Variants in TMEM178B observed in about 807,000 individuals in gnomAD.
TMEM178B encodes the protein transmembrane protein 178B.
Under a neutral mutation model 31.0 loss-of-function variants are expected in TMEM178B, and 5 were observed. The ratio of observed to expected loss-of-function variants is 0.16; its 90% CI spans 0.08 to 0.34. The LOEUF is 0.34. TMEM178B is among the 10% of genes least tolerant of loss of function. The pLI, the probability that TMEM178B is intolerant of heterozygous loss-of-function variation, is 1.00. For synonymous variants in TMEM178B, 164 were observed against 164.0 expected (o/e 1.00, Z 0.00); for missense variants, 275 against 400.3 (o/e 0.69, Z 2.67).
intron 2 of TMEM178B, among the ~76,000 whole-genome samples, chr7:141,327,180 A>G (rs1218315671): frequency 6.6e-6 from 1 of 152,172 alleles, no homozygotes; most frequent in Admixed American, 6.5e-5. Flanking sequence ...GCCTCTTTGC[A>G]TGATGTATAG....
At chr7:141,139,223 A>G (rs936042426) in intron 1 of TMEM178B, among the ~76,000 whole-genome samples, 2 of 152,228 alleles carry the variant, frequency 1.3e-5, no homozygotes, top group African/African-American at 2.4e-5. Context: ...CTGAAATACA[A>G]TGAATATGCA....
chr7:141,112,644 C>G (rs1412360248), intron 1 of TMEM178B, among the ~76,000 whole-genome samples: 1 of 152,166 alleles, frequency 6.6e-6, no homozygotes, highest in Non-Finnish European at 1.5e-5. Flanking sequence ...TGCTTTGCTG[C>G]CCTACATATT....
At chr7:141,270,432 T>G (rs1048222158) in intron 2 of TMEM178B, among the ~76,000 whole-genome samples, 1 of 152,134 alleles carries the variant, frequency 6.6e-6, no homozygotes, top group African/African-American at 2.4e-5. Flanking sequence ...AAGCTGACAT[T>G]CGGGAATTTT....
the TMEM178B span, among the ~76,000 whole-genome samples, chr7:141,496,680 A>C: frequency 6.6e-6 from 1 of 151,028 alleles, no homozygotes; most frequent in Non-Finnish European, 1.5e-5. Context: ...AAAAAAAAAA[A>C]AAAAAAAAAA....
In TMEM178B at chr7:141,461,560, G is replaced by A. The variant is rs188277952; in HGVS notation, c.635-8976G>A. 3.9e-5 allele frequency among the ~76,000 whole-genome samples: 6 copies of A among 152,308 alleles called. No individual in the cohort carries two copies. Among genetic ancestry groups the A allele is most frequent in the Non-Finnish European group, 7.4e-5 (5 of 68,018 alleles). ...TGAGGGCCTCAGTTTCCTAGGAGACGGCTTCTTGAATTAGTAAGAGCATTT... is the reference window on the plus strand; with the variant it reads ...TGAGGGCCTCAGTTTCCTAGGAGACAGCTTCTTGAATTAGTAAGAGCATTT... On this transcript the variant is annotated intron_variant, in intron 3 of 3. Coordinates refer to ENST00000565468, the MANE Select transcript of TMEM178B (RefSeq NM_001195278.2). This position sits in a 1 kb window ranked among gnomAD's most constrained non-coding sequence, Gnocchi z 4.0.
chr7:141,383,680 C>T lies in TMEM178B; in HGVS notation c.497-53928C>T, dbSNP rs575100210. On this transcript the variant is annotated intron_variant, in intron 2 of 3. Coordinates refer to ENST00000565468, the MANE Select transcript of TMEM178B (RefSeq NM_001195278.2). ...TGTGAATAGTGCCACAATAAACATA[C>T]GTGTGCTTGTATCTTTATAGCAGCA... is the stretch of plus-strand genomic sequence containing the variant. Among the ~76,000 whole-genome samples, 6 of 152,224 alleles carry T rather than the reference C, an allele frequency of 3.9e-5. No individual in the cohort carries two copies. In the South Asian group the frequency reaches 6.2e-4, roughly 16 times the overall value.
In TMEM178B at chr7:141,239,056, G is replaced by T. The variant is rs911582517; in HGVS notation, c.496+26352G>T. 2.1e-4 allele frequency among the ~76,000 whole-genome samples: 32 copies of T among 151,662 alleles called. 1 individual carries two copies. The highest frequency in any genetic ancestry group is 6.8e-3 in the Middle Eastern group (2 of 294). ...CTCTGCAGGAGCCGGTAGGAGCTAG[G>T]TTTTTTTTGTTGTTGTTGTTGTTAG... On this transcript the variant is annotated intron_variant, in intron 2 of 3. Coordinates refer to ENST00000565468, the MANE Select transcript of TMEM178B (RefSeq NM_001195278.2).
intron 1 of TMEM178B, among the ~76,000 whole-genome samples, chr7:141,147,404 C>A (rs942935906): frequency 6.6e-6 from 1 of 152,026 alleles, no homozygotes; most frequent in Non-Finnish European, 1.5e-5. Flanking sequence ...AGCAACTTGA[C>A]TTTTATCTCA....
intron 2 of TMEM178B, among the ~76,000 whole-genome samples, chr7:141,283,659 C>T (rs1045620070): frequency 6.6e-6 from 1 of 152,234 alleles, no homozygotes; most frequent in African/African-American, 2.4e-5. Flanking sequence ...ACAGCATAAG[C>T]TCTTTGACCC....
At chr7:141,084,172 G>C (rs1255939130) in intron 1 of TMEM178B, among the ~76,000 whole-genome samples, 2 of 152,216 alleles carry the variant, frequency 1.3e-5, no homozygotes, top group African/African-American at 4.8e-5. Flanking sequence ...GGATGCAGAA[G>C]TTAGTAAAAC....
At chr7:141,126,039 T>C (rs1795489652) in intron 1 of TMEM178B, among the ~76,000 whole-genome samples, 1 of 152,198 alleles carries the variant, frequency 6.6e-6, no homozygotes, top group Non-Finnish European at 1.5e-5. Flanking sequence ...TTTGTGCTAG[T>C]TAGCAGGAAG....
chr7:141,403,483 G>A (rs1800825689), intron 2 of TMEM178B, among the ~76,000 whole-genome samples: 1 of 152,198 alleles, frequency 6.6e-6, no homozygotes, highest in Non-Finnish European at 1.5e-5. Flanking sequence ...CCTACAGGGA[G>A]AGAGCCTGGT....
At chr7:141,404,091 G>T (rs370029078) in intron 2 of TMEM178B, among the ~76,000 whole-genome samples, 97 of 152,184 alleles carry the variant, frequency 6.4e-4, no homozygotes, top group African/African-American at 2.1e-3. Context: ...GGATCACGTG[G>T]TCAGGAGCTC....
intron 2 of TMEM178B, among the ~76,000 whole-genome samples, chr7:141,378,761 G>A (rs920115633): frequency 8.5e-5 from 13 of 152,310 alleles, no homozygotes; most frequent in Admixed American, 7.2e-4. Flanking sequence ...TTTCCACAGA[G>A]CTTTCATTGC....
intron 1 of TMEM178B, among the ~76,000 whole-genome samples, chr7:141,160,639 C>T (rs1796154088): frequency 6.6e-6 from 1 of 152,116 alleles, no homozygotes; most frequent in African/African-American, 2.4e-5. Flanking sequence ...TTTCTGAGGC[C>T]TGTGTTTGAG....
At chr7:141,464,773 C>A (rs1802121492) in intron 3 of TMEM178B, among the ~76,000 whole-genome samples, 1 of 152,142 alleles carries the variant, frequency 6.6e-6, no homozygotes, top group African/African-American at 2.4e-5. Flanking sequence ...ACTATGCCAC[C>A]AATGCCCCCT....
the TMEM178B span, among the ~76,000 whole-genome samples, chr7:141,489,435 T>G: frequency 1.3e-5 from 2 of 152,348 alleles, no homozygotes; most frequent in Admixed American, 6.5e-5. Context: ...ATGAATTTCC[T>G]TATCAGAGCC....
intron 1 of TMEM178B, among the ~76,000 whole-genome samples, chr7:141,093,039 T>C (rs1794904775): frequency 6.6e-6 from 1 of 152,156 alleles, no homozygotes; most frequent in Admixed American, 6.6e-5. Flanking sequence ...GAATTAAAGA[T>C]CCATGTTACG....
chr7:141,237,701 C>T (rs1797551786), intron 2 of TMEM178B, among the ~76,000 whole-genome samples: 1 of 151,968 alleles, frequency 6.6e-6, no homozygotes, highest in Non-Finnish European at 1.5e-5. Context: ...TAACAACCAC[C>T]ACCATCACCA....
Sources: allele counts gnomAD v4.1 joint callset (sites outside exome capture counted in the v4.1 genomes callset), GRCh38; gene constraint gnomAD v4.1.1; non-coding constraint Gnocchi (gnomAD v3.1); transcripts MANE v1.5; gene names NCBI Gene and HGNC (gene_info 2026-07-23, HGNC 2026-07-21).